The following NRIP1 variants were observed in gnomAD, a reference collection of about 807,000 sequenced individuals.
NRIP1 encodes nuclear receptor-interacting protein 1.
NRIP1 carries 28 observed loss-of-function variants against 75.0 expected under a neutral mutation model. The ratio of observed to expected loss-of-function variants is 0.37; its 90% confidence interval spans 0.28 to 0.51. The LOEUF (loss-of-function observed/expected upper bound fraction) is 0.51. Ranked by LOEUF, NRIP1 falls within the 20% of genes least tolerant of loss-of-function variation. The pLI is 0.92. For missense variants in NRIP1, 1,435 were observed against 1,343.7 expected, an observed-to-expected ratio of 1.07 and a Z score of -1.06; for synonymous variants, 526 against 487.6, an observed-to-expected ratio of 1.08 and a Z score of -1.04.
chr21:14,965,340 C>T lies in NRIP1; in HGVS notation c.2853G>A (p.Pro951=), dbSNP rs2228508. The part of the protein sequence containing the change: ...LSENCVRDLS[P]HRSNSVADSK... ...TGTCAGCCACAGAGTTACTTCTGTGCGGGGACAAATCTCGCACACAGTTTT... is the reference window on the plus strand; with the variant it reads ...TGTCAGCCACAGAGTTACTTCTGTGTGGGGACAAATCTCGCACACAGTTTT... The change falls in exon 4 of 4, where the codon CCG becomes CCA. Residue 951 remains proline (P), a synonymous_variant. Coordinates refer to ENST00000318948, the MANE Select transcript of NRIP1 (RefSeq NM_003489.4). The T allele has an allele frequency of 5.7e-3, 9,153 of 1,613,908 alleles. 396 individuals are homozygous for T. The African/African-American group carries it at 0.1, about 18-fold the overall frequency.
intron 3 of NRIP1, among the ~76,000 whole-genome samples, chr21:14,973,729 T>C (rs1405804568): frequency 6.6e-6 from 1 of 151,052 alleles, no homozygotes; most frequent in African/African-American, 2.4e-5. Context: ...CAGGCTGGAC[T>C]GCAGTGGTGA....
intron 2 of NRIP1, among the ~76,000 whole-genome samples, chr21:15,034,892 C>G (rs988901824): frequency 2.6e-5 from 4 of 152,126 alleles, no homozygotes; most frequent in African/African-American, 9.7e-5. Flanking sequence ...AACCTATTTT[C>G]TTTGTTTTGA....
intron 3 of NRIP1, among the ~76,000 whole-genome samples, chr21:14,986,481 G>C (rs2087407432): frequency 6.6e-6 from 1 of 152,120 alleles, no homozygotes; most frequent in Non-Finnish European, 1.5e-5. Context: ...CTCTTTCAAA[G>C]AGTTTCAGAT....
intron 2 of NRIP1, among the ~76,000 whole-genome samples, chr21:15,015,989 C>T (rs1488446299): frequency 6.6e-6 from 1 of 152,226 alleles, no homozygotes; most frequent in African/African-American, 2.4e-5. Context: ...TGAGCTATCA[C>T]ACGGCCACCA....
At position 14,966,744 on chromosome 21, in the gene NRIP1, ATCT is replaced by A. The variant is rs1568939593; in HGVS notation, c.1446_1448del (p.Glu482del). 14 of 1,613,962 alleles carry A rather than the reference ATCT, an allele frequency of 8.7e-6. No individual in the cohort carries two copies. The highest frequency in any genetic ancestry group is 1.2e-5 in the Non-Finnish European group (14 of 1,179,984). On this transcript the variant is annotated inframe_deletion, in exon 4 of 4. Coordinates refer to ENST00000318948, the MANE Select transcript of NRIP1 (RefSeq NM_003489.4). The stretch of plus-strand genomic sequence containing the variant: ...GCTTAGAATTCTTTGAGGTATCTTG[ATCT>A]TCTTTGATATCTACATCTGGGACTT...
rs1197271281 is a variant in NRIP1 at position 14,967,313 on chromosome 21, C to T, written c.880G>A (p.Ala294Thr). 1 of 1,614,076 alleles carries T rather than the reference C, an allele frequency of 6.2e-7. No homozygotes were observed. ...ALKTQNANQAASERLAAMARL... is the reference protein window; with the variant it reads ...ALKTQNANQATSERLAAMARL... ...GCCATAGCAGCAAGTCTTTCACTTG[C>T]TGCTTGATTTGCATTTTGCGTTTTT... The change falls in exon 4 of 4, where the codon GCA becomes ACA. Residue 294 changes from alanine to threonine, a missense_variant. Transcript: ENST00000318948.
intron 2 of NRIP1, among the ~76,000 whole-genome samples, chr21:15,037,568 G>T (rs2248589): frequency 0.31 from 46,528 of 152,046 alleles, 10,132 homozygotes; most frequent in African/African-American, 0.6. Context: ...TCAACCACTA[G>T]GAGAAAGTAG....
intron 3 of NRIP1, among the ~76,000 whole-genome samples, chr21:14,972,615 A>C (rs2086933036): frequency 1.3e-5 from 2 of 152,198 alleles, no homozygotes; most frequent in African/African-American, 4.8e-5. Flanking sequence ...TTAGTTACCA[A>C]TACCTAAAAG....
rs190103804 is a variant in NRIP1 at position 15,008,340 on chromosome 21, A to G, written c.-335+6004T>C. Among the ~76,000 whole-genome samples the G allele has an allele frequency of 6.4e-3, 971 of 151,996 alleles. 8 individuals carry two copies. The highest frequency in any genetic ancestry group is 0.022 in the African/African-American group (909 of 41,290). Reference sequence around the variant, plus strand: ...CTCAATCCTGCAAAATAACACATCAACTTCATTTTGTGAAACTTTTTTAAA... The same window carrying G: ...CTCAATCCTGCAAAATAACACATCAGCTTCATTTTGTGAAACTTTTTTAAA... On this transcript the variant is annotated intron_variant, in intron 3 of 3. Transcript: ENST00000318948.
At chr21:15,021,154 C>CGTT (rs1369995561) in intron 2 of NRIP1, among the ~76,000 whole-genome samples, 1 of 151,944 alleles carries the variant, frequency 6.6e-6, no homozygotes. Context: ...AAACTGTAAA[C>CGTT]AAAACAAATG....
At chr21:14,982,018 A>C (rs1296798258) in intron 3 of NRIP1, among the ~76,000 whole-genome samples, 1 of 151,896 alleles carries the variant, frequency 6.6e-6, no homozygotes, top group Non-Finnish European at 1.5e-5. Context: ...ATGCCTGACT[A>C]ACTTTTGATT....
chr21:15,049,348 G>C (rs890867123), intron 1 of NRIP1, among the ~76,000 whole-genome samples: 1 of 152,078 alleles, frequency 6.6e-6, no homozygotes, highest in Non-Finnish European at 1.5e-5. Context: ...TAAAAGAAAA[G>C]AGGTACAATA....
chr21:14,991,369 T>C (rs1337336775), intron 3 of NRIP1: 2 of 151,278 alleles, frequency 1.3e-5, no homozygotes, highest in Admixed American at 1.3e-4. Context: ...CCTCACTCTA[T>C]TCATTTAAAA....
rs1454093849 is a variant in NRIP1 at position 14,964,224 on chromosome 21, A to G, written c.*492T>C. The G allele has an allele frequency of 6.6e-6, 1 of 152,378 alleles. No homozygotes were observed. The highest frequency in any genetic ancestry group is 1.5e-5 in the Non-Finnish European group (1 of 67,978). 9.4% of individuals were successfully genotyped at this position (152,378 alleles called of 1,614,324 possible). A position where few individuals can be genotyped will look rare whatever the true frequency, so the allele number is the denominator to read the frequency against. Reference sequence around the variant, plus strand: ...GAAAAATGTAAGCATATATTTTTCTAATTTATTTTTGAATTGGATAATAAG... The same window carrying G: ...GAAAAATGTAAGCATATATTTTTCTGATTTATTTTTGAATTGGATAATAAG... On this transcript the variant is annotated 3_prime_UTR_variant, in exon 4 of 4. Transcript: ENST00000318948.
At chr21:15,015,314 G>A (rs2088199790) in intron 2 of NRIP1, among the ~76,000 whole-genome samples, 1 of 152,190 alleles carries the variant, frequency 6.6e-6, no homozygotes, top group Admixed American at 6.5e-5. Context: ...TCTTAATGGT[G>A]ATGATGGTTT....
chr21:14,981,794 T>C lies in NRIP1; in HGVS notation c.-334-13268A>G, dbSNP rs758480073. ...TGCTTTTTGTCTTGAGATAGAATGA[T>C]GTGTGGAATAGTACATATATACTAT... On this transcript the variant is annotated intron_variant, in intron 3 of 3. Coordinates refer to ENST00000318948, the MANE Select transcript of NRIP1 (RefSeq NM_003489.4). 3.3e-5 allele frequency among the ~76,000 whole-genome samples: 5 copies of C among 152,210 alleles called. 1 individual carries two copies. Among genetic ancestry groups the C allele is most frequent in the South Asian group, 4.2e-4 (2 of 4,816 alleles).
chr21:15,036,471 T>G (rs1489756693), intron 2 of NRIP1, among the ~76,000 whole-genome samples: 1 of 152,202 alleles, frequency 6.6e-6, no homozygotes, highest in Non-Finnish European at 1.5e-5. Context: ...AGAATTCATC[T>G]TTGCTTATGC....
At chr21:15,056,224 T>C (rs1263288924) in intron 1 of NRIP1, among the ~76,000 whole-genome samples, 2 of 149,542 alleles carry the variant, frequency 1.3e-5, no homozygotes, top group South Asian at 2.1e-4. Context: ...TCTTCCAACC[T>C]GAAAAATCTA....
Position 15,043,482 on chromosome 21 carries a change from CA to C in NRIP1, c.-458+12del, listed in dbSNP as rs2089003527. On this transcript the variant is annotated intron_variant, in intron 2 of 3. Coordinates refer to ENST00000318948, the MANE Select transcript of NRIP1 (RefSeq NM_003489.4). ...CATTTTTAAAAGTGGGGCAATGAGA[CA>C]AAAGACAATACCTTCTGGCTGTGTT... The C allele has an allele frequency of 6.6e-6, 1 of 152,112 alleles. No individual in the cohort carries two copies. The highest frequency in any genetic ancestry group is 1.5e-5 in the Non-Finnish European group (1 of 68,022). The allele number at this position is 152,112 out of a possible 1,614,324, so 9.4% of individuals were successfully genotyped here.
Sources: gnomAD v4.1 joint callset for allele counts (sites outside exome capture counted in the v4.1 genomes callset) on GRCh38, gnomAD v4.1.1 for gene constraint, MANE v1.5 for transcripts, NCBI Gene and HGNC (gene_info 2026-07-23, HGNC 2026-07-21) for gene names.